Variants in COMMD10 observed in about 807,000 individuals in gnomAD.
COMMD10 encodes the protein COMM domain containing 10, also known as COMM domain-containing protein 10.
In COMMD10, 33 loss-of-function variants were observed where a neutral mutation model predicts 28.9. That is an observed-to-expected ratio of 1.14 (90% CI 0.87 to 1.53). The LOEUF (loss-of-function observed/expected upper bound fraction) is 1.53. Among genes scored for constraint, COMMD10 ranks in the 40% most tolerant of loss-of-function variants. The pLI is 0.00. For synonymous variants in COMMD10, 110 were observed against 81.7 expected (o/e 1.35, Z -1.87); for missense variants, 310 against 233.4 (o/e 1.33, Z -2.14).
In COMMD10 at chr5:116,292,624, G is replaced by A; in HGVS notation, c.*135G>A. 2 of 586,298 alleles carry A rather than the reference G, an allele frequency of 3.4e-6. No homozygotes were observed. The highest frequency in any genetic ancestry group is 5.8e-6 in the Non-Finnish European group (2 of 345,770). 36.3% of individuals were successfully genotyped at this position (586,298 alleles called of 1,614,324 possible). On this transcript the variant is annotated 3_prime_UTR_variant, in exon 7 of 7. Transcript: ENST00000274458. ...AAATTATATGGCTTATCACTTCTTA[G>A]ACAAATAACAACCAATAGAGATCAT... is the stretch of plus-strand genomic sequence containing the variant.
intron 5 of COMMD10, among the ~76,000 whole-genome samples, chr5:116,245,339 T>G (rs1749913663): frequency 6.6e-6 from 1 of 152,022 alleles, no homozygotes; most frequent in African/African-American, 2.4e-5. Flanking sequence ...GCTTGGAAAT[T>G]GAGACAGTAA....
At chr5:116,177,355 T>C (rs571250731) in intron 5 of COMMD10, among the ~76,000 whole-genome samples, 1 of 152,300 alleles carries the variant, frequency 6.6e-6, no homozygotes, top group Admixed American at 6.5e-5. Context: ...TGCATTAATA[T>C]CTTTTCATCT....
intron 5 of COMMD10, among the ~76,000 whole-genome samples, chr5:116,266,697 A>G (rs781637543): frequency 1.6e-4 from 24 of 151,946 alleles, no homozygotes; most frequent in Non-Finnish European, 2.9e-4. Flanking sequence ...AAAATCCTCA[A>G]TAAAACACTG....
chr5:116,187,966 T>A (rs1395950953), intron 5 of COMMD10, among the ~76,000 whole-genome samples: 2 of 152,154 alleles, frequency 1.3e-5, no homozygotes, highest in African/African-American at 4.8e-5. Context: ...AGGAACCAAG[T>A]GACAGCTTTT....
intron 5 of COMMD10, among the ~76,000 whole-genome samples, chr5:116,141,503 A>G (rs1041755293): frequency 1.6e-4 from 25 of 151,896 alleles, no homozygotes; most frequent in Admixed American, 9.9e-4. Context: ...TATGGGTAGT[A>G]TGGACATTTT....
chr5:116,217,133 C>A (rs1392554522), intron 5 of COMMD10, among the ~76,000 whole-genome samples: 17 of 147,250 alleles, frequency 1.2e-4, no homozygotes, highest in African/African-American at 4.2e-4. Flanking sequence ...TTGGAAAATA[C>A]AAACAAGTAT....
chr5:116,293,281 C>G lies in COMMD10; in HGVS notation c.*792C>G, dbSNP rs1356506669. On this transcript the variant is annotated 3_prime_UTR_variant, in exon 7 of 7. Coordinates refer to ENST00000274458, the MANE Select transcript of COMMD10 (RefSeq NM_016144.4). Reference sequence around the variant, plus strand: ...ATTTCTGTCAATAAAATTTTTGTGTCTTAGGATTGGTTGAAGTGTACATTT... The same window carrying G: ...ATTTCTGTCAATAAAATTTTTGTGTGTTAGGATTGGTTGAAGTGTACATTT... The G allele has an allele frequency of 2.1e-5, 7 of 333,440 alleles. No individual in the cohort carries two copies. Among genetic ancestry groups the G allele is most frequent in the African/African-American group, 1.5e-4 (7 of 47,092 alleles). The allele number at this position is 333,440 out of a possible 1,614,324, so 20.7% of individuals were successfully genotyped here.
At chr5:116,246,014 G>A (rs556248435) in intron 5 of COMMD10, among the ~76,000 whole-genome samples, 22 of 152,252 alleles carry the variant, frequency 1.4e-4, no homozygotes, top group African/African-American at 5.3e-4. Context: ...GAAATAAAGG[G>A]CATCCAAATA....
chr5:116,127,715 G>A (rs1017274877), intron 4 of COMMD10, among the ~76,000 whole-genome samples: 8 of 152,174 alleles, frequency 5.3e-5, no homozygotes, highest in Non-Finnish European at 1.2e-4. Flanking sequence ...TCATAGGTGG[G>A]AGTTGAACAA....
In COMMD10 at chr5:116,292,519, C is replaced by T; in HGVS notation, c.*30C>T. ...TTCGAAGACTGTTTTTTTCATCACG[C>T]TCCTGCCACCTCATTATTTTGCATT... is the stretch of plus-strand genomic sequence containing the variant. On this transcript the variant is annotated 3_prime_UTR_variant, in exon 7 of 7. Coordinates refer to ENST00000274458, the MANE Select transcript of COMMD10 (RefSeq NM_016144.4). 6.4e-7 allele frequency: 1 copy of T among 1,556,440 alleles called. No homozygotes were observed. Among genetic ancestry groups the T allele is most frequent in the East Asian group, 2.3e-5 (1 of 43,816 alleles).
Position 116,241,583 on chromosome 5 carries a change from C to CTTATGTATTTATTTAT in COMMD10, c.511-49930_511-49929insGTATTTATTTATTTAT, listed in dbSNP as rs150574868. On this transcript the variant is annotated intron_variant, in intron 5 of 6. Coordinates refer to ENST00000274458, the MANE Select transcript of COMMD10 (RefSeq NM_016144.4). ...TCTCTATCCTCTTACACTCTGCTTT[C>CTTATGTATTTATTTAT]TTATTTATTTATTTATTTATTTATT... Among the ~76,000 whole-genome samples the CTTATGTATTTATTTAT allele has an allele frequency of 5.7e-3, 797 of 140,506 alleles. 11 individuals are homozygous for CTTATGTATTTATTTAT. The highest frequency in any genetic ancestry group is 0.019 in the African/African-American group (747 of 38,596). The allele number at this position is 140,506 out of a possible 152,430, so 92.2% of individuals were successfully genotyped here.
intron 1 of COMMD10, chr5:116,085,573 T>C (rs1194280806): frequency 6.4e-6 from 1 of 155,414 alleles, no homozygotes; most frequent in Non-Finnish European, 1.4e-5. Flanking sequence ...GGGGACCGAA[T>C]TTTTGGTTGG....
chr5:116,256,287 C>T (rs943170246), intron 5 of COMMD10, among the ~76,000 whole-genome samples: 6 of 151,764 alleles, frequency 4.0e-5, no homozygotes, highest in Admixed American at 6.6e-5. Context: ...ATGGCAGTAT[C>T]GAACTTCTGT....
At chr5:116,289,409 A>G (rs373115048) in intron 5 of COMMD10, among the ~76,000 whole-genome samples, 13 of 151,770 alleles carry the variant, frequency 8.6e-5, no homozygotes, top group African/African-American at 2.7e-4. Flanking sequence ...GAAGACCTTC[A>G]CTAATACCCC....
intron 4 of COMMD10, among the ~76,000 whole-genome samples, chr5:116,122,941 C>A (rs1751492392): frequency 6.6e-6 from 1 of 152,050 alleles, no homozygotes; most frequent in South Asian, 2.1e-4. Context: ...AGTTTGACTT[C>A]CTCTTTTCCT....
intron 5 of COMMD10, among the ~76,000 whole-genome samples, chr5:116,152,961 A>C (rs995282452): frequency 6.6e-6 from 1 of 152,110 alleles, no homozygotes; most frequent in African/African-American, 2.4e-5. Flanking sequence ...GTTTCCAGCT[A>C]TACAGAAGTT....
intron 5 of COMMD10, among the ~76,000 whole-genome samples, chr5:116,179,257 G>C (rs1567338): frequency 0.31 from 47,691 of 152,060 alleles, 10,364 homozygotes; most frequent in African/African-American, 0.62. Context: ...TATAAGTGTT[G>C]TGGGAGTTAA....
At chr5:116,245,393 A>T (rs2112667507) in intron 5 of COMMD10, among the ~76,000 whole-genome samples, 1 of 152,160 alleles carries the variant, frequency 6.6e-6, no homozygotes, top group East Asian at 1.9e-4. Flanking sequence ...AGACGTATTC[A>T]CATCTGAATT....
chr5:116,153,757 C>G (rs991714984), intron 5 of COMMD10, among the ~76,000 whole-genome samples: 1 of 151,980 alleles, frequency 6.6e-6, no homozygotes, highest in Non-Finnish European at 1.5e-5. Flanking sequence ...TCTAATAAAC[C>G]CTATTCTTTA....
Sources: allele counts gnomAD v4.1 joint callset (sites outside exome capture counted in the v4.1 genomes callset), GRCh38; gene constraint gnomAD v4.1.1; transcripts MANE v1.5; gene names NCBI Gene and HGNC (gene_info 2026-07-23, HGNC 2026-07-21).